The following MYO7B variants were observed in gnomAD, a reference collection of about 807,000 sequenced individuals.
MYO7B encodes myosin VIIB.
A neutral mutation model predicts 259.7 loss-of-function variants in MYO7B; 212 were observed. The observed-to-expected ratio is 0.82, with a 90% CI of 0.73 to 0.91. MYO7B has a LOEUF of 0.91. Among genes scored for constraint, MYO7B ranks in the 40% least tolerant of loss-of-function variants. The pLI, the probability that MYO7B is intolerant of heterozygous loss-of-function variation, is 0.00. For missense variants in MYO7B, 2,732 were observed against 2,813.5 expected (o/e 0.97, Z 0.66); for synonymous variants, 1,197 against 1,166.4 (o/e 1.03, Z -0.54).
chr2:127,551,019 C>G (rs1205811419), intron 1 of MYO7B, among the ~76,000 whole-genome samples: 1 of 130,914 alleles, frequency 7.6e-6, no homozygotes, highest in African/African-American at 2.9e-5. Context: ...CCCAGGGACC[C>G]TCATAGGGTT....
rs1189297921 is a variant in MYO7B at position 127,625,475 on chromosome 2, G to A, written c.4155G>A (p.Lys1385=). 3 of 1,612,396 alleles carry A rather than the reference G, an allele frequency of 1.9e-6. No individual in the cohort carries two copies. The highest frequency in any genetic ancestry group is 1.1e-5 in the South Asian group (1 of 91,042). ...TGCTGCCCAGCTGCATCCCCCACAA[G>A]CTGTACAGGACCAAGCCCCCAGACA... is the stretch of plus-strand genomic sequence containing the variant. ...QELLPSCIPH[K]LYRTKPPDRW... The change falls in exon 31 of 48, where the codon AAG becomes AAA. Residue 1385 remains lysine, a synonymous_variant. Coordinates refer to ENST00000409816, the MANE Select transcript of MYO7B (RefSeq NM_001393586.1).
rs562347369 is a variant in MYO7B, at chr2:127,570,290, C to A, written c.592+380C>A. 1.7e-4 allele frequency among the ~76,000 whole-genome samples: 26 copies of A among 152,306 alleles called. No homozygotes were observed. The South Asian group carries it at 5.4e-3, about 32-fold the overall frequency. On this transcript the variant is annotated intron_variant, in intron 6 of 47. Coordinates refer to ENST00000409816, the MANE Select transcript of MYO7B (RefSeq NM_001393586.1). The stretch of plus-strand genomic sequence containing the variant: ...AGAGGTTTATTGAGGGGTAAACCTG[C>A]AGAAGGCAAAGTGGGAGAAAGCAGG...
chr2:127,628,139 A>G lies in MYO7B; in HGVS notation c.4461-233A>G. On this transcript the variant is annotated intron_variant, in intron 33 of 47. Transcript: ENST00000409816. This position sits in a 1 kb window ranked among gnomAD's most constrained non-coding sequence, Gnocchi z 4.8. The stretch of plus-strand genomic sequence containing the variant: ...ACCAGCCACCTCATTATCTGCCCAC[A>G]GCCAACCCCACACATGGGCTGCACC... 2 of 670,652 alleles carry G rather than the reference A, an allele frequency of 3.0e-6. No homozygotes were observed. The highest frequency in any genetic ancestry group is 2.7e-6 in the Non-Finnish European group (1 of 366,380). The allele number at this position is 670,652 out of a possible 1,614,324, so 41.5% of individuals were successfully genotyped here.
rs1179438363 is a variant in MYO7B, at chr2:127,636,964, G to A, written c.6327+51G>A. 6.2e-7 allele frequency: 1 copy of A among 1,600,974 alleles called. No individual in the cohort carries two copies. The highest frequency in any genetic ancestry group is 1.7e-5 in the Admixed American group (1 of 59,710). On this transcript the variant is annotated intron_variant, in intron 47 of 47. Transcript: ENST00000409816. The surrounding 1 kb of genome is among the most constrained non-coding windows in gnomAD (Gnocchi z 4.5). Reference sequence around the variant, plus strand: ...CAAGATGCATAGGACAGAGCTGCTGGAGACTGGGTTCCCCACCCTCACCCC... The same window carrying A: ...CAAGATGCATAGGACAGAGCTGCTGAAGACTGGGTTCCCCACCCTCACCCC...
At chr2:127,631,890 G>T (rs1265852049) in intron 38 of MYO7B, 137 bp downstream of exon 38, 7 of 1,216,860 alleles carry the variant, frequency 5.8e-6, no homozygotes, top group Non-Finnish European at 6.8e-6. Context: ...TCAGCAGTGG[G>T]AAGGGTTGGG....
At chr2:127,544,461 T>C (rs1382870138) in intron 1 of MYO7B, among the ~76,000 whole-genome samples, 5 of 152,006 alleles carry the variant, frequency 3.3e-5, no homozygotes, top group African/African-American at 1.2e-4. Flanking sequence ...CAGGCTGGAG[T>C]GCAATGGCAC....
intron 20 of MYO7B, among the ~76,000 whole-genome samples, chr2:127,606,520 C>T (rs1680160631): frequency 6.6e-6 from 1 of 152,224 alleles, no homozygotes; most frequent in Non-Finnish European, 1.5e-5. Flanking sequence ...GGGCCTGTTG[C>T]TTCGCATACA....
Position 127,631,678 on chromosome 2 carries a change from T to C in MYO7B, c.5174T>C (p.Leu1725Pro), listed in dbSNP as rs1053798698. 1.9e-6 allele frequency: 3 copies of C among 1,612,926 alleles called. No homozygotes were observed. Among genetic ancestry groups the C allele is most frequent in the Non-Finnish European group, 2.5e-6 (3 of 1,179,872 alleles). Residue 1725 changes from leucine (L) to proline (P), a missense_variant, in exon 38 of 48, where the codon CTG (leucine) becomes CCG (proline). Physicochemically the swap from Leu to Pro is moderately conservative, Grantham distance 98. This residue lies in a region of MYO7B where 821 missense variants were observed against 769.3 expected (regional missense o/e 1.07). Transcript: ENST00000409816. Reference sequence around the variant, plus strand: ...GAGCTCACCGACCAGATCTTCACACTGGCCCTGCAGCACCCGGCCCTCCAG... The same window carrying C: ...GAGCTCACCGACCAGATCTTCACACCGGCCCTGCAGCACCCGGCCCTCCAG... ...TLELTDQIFT[L>P]ALQHPALQDE...
At position 127,635,212 on chromosome 2, in the gene MYO7B, C is replaced by T. The variant is rs746753048; in HGVS notation, c.5806C>T (p.Leu1936Phe). 1 of 1,613,180 alleles carries T rather than the reference C, an allele frequency of 6.2e-7. No homozygotes were observed. The highest frequency in any genetic ancestry group is 1.7e-5 in the Admixed American group (1 of 59,906). ...PGKDVNADTI[L>F]HYHQELPKYL... Reference sequence around the variant, plus strand: ...GAAGGATGTGAATGCAGACACCATACTCCATTACCACCAGGTACCGGGCAG... The same window carrying T: ...GAAGGATGTGAATGCAGACACCATATTCCATTACCACCAGGTACCGGGCAG... The change falls in exon 43 of 48, where the codon CTC (leucine) becomes TTC (phenylalanine). Residue 1936 changes from leucine (L) to phenylalanine (F), a missense_variant. Leu to Phe is a conservative substitution (Grantham distance 22). Coordinates refer to ENST00000409816, the MANE Select transcript of MYO7B (RefSeq NM_001393586.1).
intron 12 of MYO7B, among the ~76,000 whole-genome samples, chr2:127,583,583 T>C (rs1478514304): frequency 6.6e-6 from 1 of 152,152 alleles, no homozygotes; most frequent in Admixed American, 6.5e-5. Context: ...CTCCTCGGTT[T>C]CTGACTTGAG....
At chr2:127,602,626 A>G (rs777439) in intron 19 of MYO7B, among the ~76,000 whole-genome samples, 87,016 of 151,978 alleles carry the variant, frequency 0.57, 25,842 homozygotes, top group South Asian at 0.76. Context: ...CTCCAGCCCA[A>G]ATGACAGAGT....
Position 127,584,758 on chromosome 2 carries a change from G to A in MYO7B, c.1555-20G>A. On this transcript the variant is annotated intron_variant, in intron 13 of 47. Coordinates refer to ENST00000409816, the MANE Select transcript of MYO7B (RefSeq NM_001393586.1). This position sits in a 1 kb window ranked among gnomAD's most constrained non-coding sequence, Gnocchi z 5.8. ...CTGGACTCTGGGACCTCAGCCCACA[G>A]GGTGTCTGGGTTCTTCCAGGGGACA... The A allele has an allele frequency of 6.2e-7, 1 of 1,613,168 alleles. No individual in the cohort carries two copies.
intron 9 of MYO7B, among the ~76,000 whole-genome samples, chr2:127,579,423 T>C (rs144376123): frequency 6.6e-6 from 1 of 152,290 alleles, no homozygotes; most frequent in Non-Finnish European, 1.5e-5. Flanking sequence ...GCTGGGCTGA[T>C]CTGTCGTCTA....
intron 28 of MYO7B, 102 bp from the exon 29 acceptor site, chr2:127,623,100 A>C: frequency 7.3e-7 from 1 of 1,377,550 alleles, no homozygotes; most frequent in South Asian, 1.4e-5. Flanking sequence ...GATGGCAAGC[A>C]GGGCCCATGG....
intron 3 of MYO7B, 96 bp downstream of exon 3, chr2:127,564,362 G>A (rs975896894): frequency 2.0e-6 from 2 of 982,012 alleles, no homozygotes; most frequent in Non-Finnish European, 1.5e-6. Context: ...CCAACACCAG[G>A]GGCTCCAAGG....
rs1167912859 is a variant in MYO7B, at chr2:127,615,055, G to T, written c.3398+2452G>T. Among the ~76,000 whole-genome samples the T allele has an allele frequency of 6.6e-6, 1 of 152,154 alleles. No homozygotes were observed. Among genetic ancestry groups the T allele is most frequent in the African/African-American group, 2.4e-5 (1 of 41,440 alleles). ...GATGAAGAAGACATGGCTCTGTCCT[G>T]GAGGAGCTCACCCTTTAGCTGGGGG... On this transcript the variant is annotated intron_variant, in intron 26 of 47. Coordinates refer to ENST00000409816, the MANE Select transcript of MYO7B (RefSeq NM_001393586.1). This position sits in a 1 kb window ranked among gnomAD's most constrained non-coding sequence, Gnocchi z 4.4.
At position 127,609,626 on chromosome 2, in the gene MYO7B, A is replaced by T. The variant is rs537395596; in HGVS notation, c.2935A>T (p.Thr979Ser). The change falls in exon 23 of 48, where the codon ACT becomes TCT. Residue 979 changes from threonine (T) to serine (S), a missense_variant. By Grantham distance (58) the Thr-to-Ser change is moderately conservative. This residue lies in a region of MYO7B where 1,906 missense variants were observed against 2,026.4 expected (regional missense o/e 0.94). Transcript: ENST00000409816. The surrounding 1 kb of genome is among the most constrained non-coding windows in gnomAD (Gnocchi z 6.9). The part of the protein sequence containing the change: ...AEYTFPKFAV[T>S]YFQKSASHTH... ...GTACACCTTCCCCAAGTTTGCTGTG[A>T]CTTACTTCCAGAAATCAGCCAGCCA... 3.1e-6 allele frequency: 5 copies of T among 1,613,924 alleles called. No individual in the cohort carries two copies. In the South Asian group the frequency reaches 4.4e-5, roughly 14 times the overall value.
intron 1 of MYO7B, among the ~76,000 whole-genome samples, chr2:127,557,452 T>G (rs1677880079): frequency 6.6e-6 from 1 of 152,142 alleles, no homozygotes; most frequent in African/African-American, 2.4e-5. Flanking sequence ...GCTAGTGTGA[T>G]TTTTTGGGGG....
Position 127,584,429 on chromosome 2 carries a change from A to G in MYO7B, c.1554+97A>G. 7.6e-7 allele frequency: 1 copy of G among 1,314,798 alleles called. No homozygotes were observed. Among genetic ancestry groups the G allele is most frequent in the Non-Finnish European group, 1.1e-6 (1 of 943,172 alleles). 81.4% of individuals were successfully genotyped at this position (1,314,798 alleles called of 1,614,324 possible). A position where few individuals can be genotyped will look rare whatever the true frequency, so the allele number is the denominator to read the frequency against. ...CCATTTGGGTGGGCCACTTGTTCTG[A>G]GAGTCACTAAAACCTCTGCCAGGAA... On this transcript the variant is annotated intron_variant, in intron 13 of 47. Transcript: ENST00000409816. This position sits in a 1 kb window ranked among gnomAD's most constrained non-coding sequence, Gnocchi z 5.8.
Sources: allele counts gnomAD v4.1 joint callset (sites outside exome capture counted in the v4.1 genomes callset), GRCh38; gene constraint gnomAD v4.1.1; regional missense constraint gnomAD v4.1.1; non-coding constraint Gnocchi (gnomAD v3.1); transcripts MANE v1.5; gene names NCBI Gene and HGNC (gene_info 2026-07-23, HGNC 2026-07-21).